Variants in ARID1B observed in about 807,000 individuals in gnomAD.
ARID1B encodes the protein AT-rich interaction domain 1B.
Under a neutral mutation model 212.3 loss-of-function variants are expected in ARID1B, and 30 were observed. The ratio of observed to expected loss-of-function variants is 0.14; its 90% CI spans 0.11 to 0.19. The LOEUF (loss-of-function observed/expected upper bound fraction) is 0.19. ARID1B is among the 10% of genes least tolerant of loss of function. ARID1B has a pLI of 1.00. For synonymous variants in ARID1B, 1,402 were observed against 1,301.7 expected, an observed-to-expected ratio of 1.08 and a Z score of -1.66; for missense variants, 2,891 against 3,204.0, an observed-to-expected ratio of 0.90 and a Z score of 2.36.
intron 13 of ARID1B, among the ~76,000 whole-genome samples, chr6:157,187,038 C>T (rs1382653363): frequency 6.6e-6 from 1 of 152,224 alleles, no homozygotes; most frequent in Admixed American, 6.5e-5. Context: ...CTTCCAGCCA[C>T]CAGAGCAAGT....
intron 4 of ARID1B, chr6:156,942,600 T>C (rs1792759152): frequency 6.6e-6 from 1 of 152,178 alleles, no homozygotes; most frequent in Non-Finnish European, 1.5e-5. Context: ...GTGTAACTTT[T>C]TATTTTTTAT....
At chr6:157,115,630 T>C (rs556993897) in intron 6 of ARID1B, among the ~76,000 whole-genome samples, 1 of 152,178 alleles carries the variant, frequency 6.6e-6, no homozygotes, top group Non-Finnish European at 1.5e-5. Context: ...GGTTTCACCA[T>C]GTTAGCCAGG....
chr6:156,876,941 C>T (rs917170270), intron 2 of ARID1B, among the ~76,000 whole-genome samples: 3 of 152,156 alleles, frequency 2.0e-5, no homozygotes, highest in Non-Finnish European at 4.4e-5. Flanking sequence ...TGTTGCCAGG[C>T]TGGAGTGCAG....
intron 4 of ARID1B, among the ~76,000 whole-genome samples, chr6:156,997,916 A>G (rs936832045): frequency 6.6e-6 from 1 of 152,192 alleles, no homozygotes; most frequent in African/African-American, 2.4e-5. Context: ...TTATCTGCAA[A>G]TGTGAATACT....
chr6:157,129,270 C>T (rs192537247), intron 6 of ARID1B, among the ~76,000 whole-genome samples: 1 of 152,152 alleles, frequency 6.6e-6, no homozygotes, highest in African/African-American at 2.4e-5. Context: ...TATTCAATAC[C>T]CACTGCAGTC....
chr6:156,845,014 C>T (rs957086909), intron 2 of ARID1B, among the ~76,000 whole-genome samples: 1 of 152,022 alleles, frequency 6.6e-6, no homozygotes, highest in Non-Finnish European at 1.5e-5. Context: ...CATGGATGAC[C>T]ATCATCTTTT....
chr6:156,880,767 AAAGAAAAG>A (rs1787009420), intron 2 of ARID1B, among the ~76,000 whole-genome samples: 1 of 93,540 alleles, frequency 1.1e-5, no homozygotes, highest in Non-Finnish European at 2.4e-5. Flanking sequence ...AAAAAAAAGA[AAAGAAAAG>A]AAAAACACAC....
rs4869899 is a variant in ARID1B at position 156,883,057 on chromosome 6, G to C, written c.1987-18319G>C. Among the ~76,000 whole-genome samples, 465 of 152,144 alleles carry C rather than the reference G, an allele frequency of 3.1e-3. 2 individuals carry two copies. Among genetic ancestry groups the C allele is most frequent in the African/African-American group, 0.01 (418 of 41,482 alleles). On this transcript the variant is annotated intron_variant, in intron 2 of 19. Transcript: ENST00000636930. ...GCCTGAATTAACGCAACTGCCTTAGGTTTCTTCTGGCCTCCCTGGGAGTTA... is the reference window on the plus strand; with the variant it reads ...GCCTGAATTAACGCAACTGCCTTAGCTTTCTTCTGGCCTCCCTGGGAGTTA...
intron 4 of ARID1B, among the ~76,000 whole-genome samples, chr6:157,063,279 A>G (rs1783466691): frequency 6.6e-6 from 1 of 152,146 alleles, no homozygotes; most frequent in African/African-American, 2.4e-5. Context: ...CTGGGGGGCT[A>G]ACATTTACTG....
At chr6:156,897,215 G>C (rs200500651) in intron 2 of ARID1B, among the ~76,000 whole-genome samples, 1 of 76,206 alleles carries the variant, frequency 1.3e-5, no homozygotes, top group African/African-American at 3.8e-5. Flanking sequence ...TGCTGCTGCT[G>C]CTGCTTCTTC....
intron 16 of ARID1B, among the ~76,000 whole-genome samples, chr6:157,197,329 A>T (rs977436328): frequency 2.6e-5 from 4 of 152,220 alleles, no homozygotes; most frequent in African/African-American, 9.7e-5. Flanking sequence ...GTGCTGTTCT[A>T]CCGGGGACCG....
At chr6:157,039,155 G>GT (rs1238472478) in intron 4 of ARID1B, among the ~76,000 whole-genome samples, 2 of 151,994 alleles carry the variant, frequency 1.3e-5, no homozygotes, top group Admixed American at 6.6e-5. Context: ...CATTACAGGC[G>GT]TTAGCCACTG....
intron 1 of ARID1B, among the ~76,000 whole-genome samples, chr6:156,808,359 T>C (rs543458844): frequency 6.6e-6 from 1 of 152,306 alleles, no homozygotes; most frequent in Non-Finnish European, 1.5e-5. Context: ...ACTCAATAGG[T>C]ATTCTAGTCA....
At chr6:157,077,345 T>TA in intron 4 of ARID1B, among the ~76,000 whole-genome samples, 1 of 152,218 alleles carries the variant, frequency 6.6e-6, no homozygotes, top group South Asian at 2.1e-4. Context: ...TAAGACTCAC[T>TA]TTCTGGACCT....
intron 4 of ARID1B, among the ~76,000 whole-genome samples, chr6:157,042,131 C>T (rs376815962): frequency 2.0e-5 from 3 of 152,228 alleles, no homozygotes; most frequent in Non-Finnish European, 4.4e-5. Flanking sequence ...GTTACACCTT[C>T]CCCTCCTCCT....
chr6:156,780,009 C>T (rs1444205168), intron 1 of ARID1B, among the ~76,000 whole-genome samples: 3 of 152,160 alleles, frequency 2.0e-5, no homozygotes, highest in African/African-American at 7.2e-5. Flanking sequence ...AGCTTTGTGA[C>T]AAGCGAGTGG....
At chr6:156,815,090 A>G (rs1216245558) in intron 1 of ARID1B, among the ~76,000 whole-genome samples, 2 of 152,206 alleles carry the variant, frequency 1.3e-5, no homozygotes, top group Non-Finnish European at 2.9e-5. Flanking sequence ...TTGTGTCTCC[A>G]TTGTAAATTC....
intron 4 of ARID1B, among the ~76,000 whole-genome samples, chr6:156,970,744 C>CA (rs1037933548): frequency 2.6e-5 from 4 of 152,202 alleles, no homozygotes; most frequent in Admixed American, 6.5e-5. Flanking sequence ...GCTCTGCACT[C>CA]ACTGCTGGGC....
chr6:156,835,424 T>A (rs1247825388), intron 2 of ARID1B, among the ~76,000 whole-genome samples: 1 of 152,158 alleles, frequency 6.6e-6, no homozygotes, highest in Admixed American at 6.5e-5. Flanking sequence ...TCTTTAGCCT[T>A]TTTCCGAAAA....
Sources: gnomAD v4.1 joint callset for allele counts (sites outside exome capture counted in the v4.1 genomes callset) on GRCh38, gnomAD v4.1.1 for gene constraint, MANE v1.5 for transcripts, NCBI Gene and HGNC (gene_info 2026-07-23, HGNC 2026-07-21) for gene names.